The following DCAF8 variants were observed in gnomAD, a reference collection of about 807,000 sequenced individuals.
DCAF8 encodes DDB1 and CUL4 associated factor 8.
Under a neutral mutation model 68.0 loss-of-function variants are expected in DCAF8, and 20 were observed. The ratio of observed to expected loss-of-function variants is 0.29; its 90% CI spans 0.21 to 0.43. The LOEUF is 0.43. Among genes scored for constraint, DCAF8 ranks in the 20% least tolerant of loss-of-function variants. DCAF8 has a pLI of 1.00. For missense variants in DCAF8, 460 were observed against 771.0 expected (o/e 0.60, Z 4.78); for synonymous variants, 230 against 276.9 (o/e 0.83, Z 1.68).
intron 2 of DCAF8, among the ~76,000 whole-genome samples, chr1:160,250,908 A>C (rs1358274646): frequency 6.6e-6 from 1 of 152,128 alleles, no homozygotes; most frequent in Non-Finnish European, 1.5e-5. Flanking sequence ...GGGTCTATGA[A>C]CACTGGTCTG....
At chr1:160,232,961 G>A (rs1242277280) in intron 6 of DCAF8, among the ~76,000 whole-genome samples, 1 of 152,216 alleles carries the variant, frequency 6.6e-6, no homozygotes, top group Non-Finnish European at 1.5e-5. Context: ...ATTCTTCTCA[G>A]ATCTAAGCAT....
chr1:160,223,018 T>G (rs1429652021), intron 10 of DCAF8, among the ~76,000 whole-genome samples: 1 of 152,202 alleles, frequency 6.6e-6, no homozygotes, highest in Non-Finnish European at 1.5e-5. Flanking sequence ...CTCTCAAGTT[T>G]ATACCCTATC....
Position 160,218,832 on chromosome 1 carries a change from T to G in DCAF8, c.1560+17A>C. On this transcript the variant is annotated intron_variant, in intron 12 of 13. Coordinates refer to ENST00000368074, the MANE Select transcript of DCAF8 (RefSeq NM_015726.4). ...GGATAAGCAGAAAGAAAATAACTTC[T>G]GCAGTCAGCCACTTACATCTTTTAA... The G allele has an allele frequency of 6.2e-7, 1 of 1,613,916 alleles. No homozygotes were observed. Among genetic ancestry groups the G allele is most frequent in the Non-Finnish European group, 8.5e-7 (1 of 1,179,924 alleles).
intron 3 of DCAF8, among the ~76,000 whole-genome samples, chr1:160,241,362 T>C (rs1656109087): frequency 6.6e-6 from 1 of 152,206 alleles, no homozygotes; most frequent in African/African-American, 2.4e-5. Flanking sequence ...AGTCACACAT[T>C]TTTAGTCTCT....
In DCAF8 at chr1:160,218,732, G is replaced by T. The variant is rs949682343; in HGVS notation, c.1560+117C>A. On this transcript the variant is annotated intron_variant, in intron 12 of 13. Transcript: ENST00000368074. ...AGGAAATTACAGGAATGTGGGGGAG[G>T]GTGTTAGAGCAGTGCCTTTAAAGAA... is the stretch of plus-strand genomic sequence containing the variant. The T allele has an allele frequency of 3.5e-6, 5 of 1,430,666 alleles. No homozygotes were observed. In the African/African-American group the frequency reaches 7.1e-5, roughly 20 times the overall value. 88.6% of individuals were successfully genotyped at this position (1,430,666 alleles called of 1,614,324 possible).
At chr1:160,228,441 T>C (rs912748820) in intron 7 of DCAF8, among the ~76,000 whole-genome samples, 4 of 152,192 alleles carry the variant, frequency 2.6e-5, no homozygotes, top group Non-Finnish European at 5.9e-5. Context: ...GGGCCTATAC[T>C]TAATCCTTTA....
chr1:160,258,239 C>G (rs536337924), intron 2 of DCAF8, among the ~76,000 whole-genome samples: 1 of 152,016 alleles, frequency 6.6e-6, no homozygotes, highest in Non-Finnish European at 1.5e-5. Context: ...CCCAGCTACT[C>G]GAGAGGCTGA....
chr1:160,242,990 G>A (rs1656178968), intron 3 of DCAF8, among the ~76,000 whole-genome samples: 1 of 152,064 alleles, frequency 6.6e-6, no homozygotes, highest in African/African-American at 2.4e-5. Context: ...AGAACATATG[G>A]AGCAATAAAA....
intron 3 of DCAF8, among the ~76,000 whole-genome samples, chr1:160,240,802 A>G (rs1272128088): frequency 6.6e-6 from 1 of 152,220 alleles, no homozygotes; most frequent in Non-Finnish European, 1.5e-5. Context: ...CTTCTTAGCG[A>G]AAGACGGAAA....
chr1:160,255,157 C>T (rs957113757), intron 2 of DCAF8, among the ~76,000 whole-genome samples: 3 of 152,244 alleles, frequency 2.0e-5, no homozygotes, highest in South Asian at 4.1e-4. Flanking sequence ...CCCTTTCTGG[C>T]GTTTTAAAGA....
chr1:160,237,288 G>A, intron 5 of DCAF8, 59 bp from the exon 6 acceptor site: 2 of 1,191,180 alleles, frequency 1.7e-6, no homozygotes, highest in Non-Finnish European at 2.4e-6. Flanking sequence ...AGGTCATCTA[G>A]TTCATTCCTA....
At chr1:160,228,175 C>CT (rs1389989862) in intron 7 of DCAF8, among the ~76,000 whole-genome samples, 1 of 151,560 alleles carries the variant, frequency 6.6e-6, no homozygotes, top group Non-Finnish European at 1.5e-5. Context: ...TATCCTCCAG[C>CT]TTTGGCCTTC....
rs144582549 is a variant in DCAF8 at position 160,225,072 on chromosome 1, G to A, written c.1191C>T (p.His397=). ...GCCCTGCTCACGTACCTGTGCCGTC[G>A]TGGCTGTACACAAGACAGGTGATGT... ...KANITCLVYS[H]DGTELLASYN... Residue 397 remains histidine (H), a synonymous_variant, in exon 9 of 14, where the codon CAC becomes CAT. Coordinates refer to ENST00000368074, the MANE Select transcript of DCAF8 (RefSeq NM_015726.4). 1 of 1,614,200 alleles carries A rather than the reference G, an allele frequency of 6.2e-7. No individual in the cohort carries two copies. Among genetic ancestry groups the A allele is most frequent in the Non-Finnish European group, 8.5e-7 (1 of 1,180,022 alleles).
At chr1:160,235,219 C>T (rs1329539738) in intron 6 of DCAF8, among the ~76,000 whole-genome samples, 1 of 151,974 alleles carries the variant, frequency 6.6e-6, no homozygotes, top group African/African-American at 2.4e-5. Context: ...CTGCAACCTC[C>T]ACCTCCTGGG....
At chr1:160,257,635 G>T (rs1450466010) in intron 2 of DCAF8, among the ~76,000 whole-genome samples, 2 of 152,190 alleles carry the variant, frequency 1.3e-5, no homozygotes, top group East Asian at 3.8e-4. Context: ...CAACAAAGAG[G>T]CTGCTTTCTT....
rs529473305 is a variant in DCAF8 at position 160,221,242 on chromosome 1, C to A, written c.1440+1409G>T. 5 of 152,260 alleles carry A rather than the reference C, an allele frequency of 3.3e-5. No homozygotes were observed. In the East Asian group the frequency reaches 7.7e-4, roughly 23 times the overall value. 9.4% of individuals were successfully genotyped at this position (152,260 alleles called of 1,614,324 possible). On this transcript the variant is annotated intron_variant, in intron 11 of 13. Transcript: ENST00000368074. ...CAGAATGCAAGGCAATAGCTTATGTCAAGAAAAAATTCACTGGCCCCTTCT... is the reference window on the plus strand; with the variant it reads ...CAGAATGCAAGGCAATAGCTTATGTAAAGAAAAAATTCACTGGCCCCTTCT...
intron 2 of DCAF8, among the ~76,000 whole-genome samples, chr1:160,259,064 C>T (rs1656952540): frequency 6.6e-6 from 1 of 152,178 alleles, no homozygotes; most frequent in African/African-American, 2.4e-5. Flanking sequence ...ATGAAAAGTT[C>T]ATCAAACCTA....
At chr1:160,239,579 A>G (rs1392843725) in intron 4 of DCAF8, 118 bp downstream of exon 4, 5 of 1,602,558 alleles carry the variant, frequency 3.1e-6, no homozygotes, top group Non-Finnish European at 4.3e-6. Flanking sequence ...AAGTAGGGCC[A>G]TGTCCCGATA....
At chr1:160,236,498 AG>A (rs1655902447) in intron 6 of DCAF8, among the ~76,000 whole-genome samples, 1 of 151,972 alleles carries the variant, frequency 6.6e-6, no homozygotes, top group African/African-American at 2.4e-5. Flanking sequence ...GGACGGAGGG[AG>A]GGAAAAAAAT....
Sources: gnomAD v4.1 joint callset for allele counts (sites outside exome capture counted in the v4.1 genomes callset) on GRCh38, gnomAD v4.1.1 for gene constraint, MANE v1.5 for transcripts, NCBI Gene and HGNC (gene_info 2026-07-23, HGNC 2026-07-21) for gene names.